KLHL1: variants seen among roughly 807,000 people sequenced by gnomAD.
KLHL1 encodes the protein kelch like family member 1.
KLHL1 carries 47 observed loss-of-function variants against 77.7 expected under a neutral mutation model. The ratio of observed to expected loss-of-function variants is 0.60; its 90% CI spans 0.48 to 0.77. KLHL1 has a LOEUF of 0.77. KLHL1 is among the 30% of genes least tolerant of loss of function. KLHL1 has a pLI of 0.00. For missense variants in KLHL1, 925 were observed against 910.8 expected, an observed-to-expected ratio of 1.02 and a Z score of -0.20; for synonymous variants, 360 against 325.2, an observed-to-expected ratio of 1.11 and a Z score of -1.15.
intron 1 of KLHL1, among the ~76,000 whole-genome samples, chr13:70,099,417 C>T (rs1887872182): frequency 6.6e-6 from 1 of 151,742 alleles, no homozygotes; most frequent in Non-Finnish European, 1.5e-5. Context: ...GAGATGCTTA[C>T]TAGAAAAGTA....
intron 4 of KLHL1, among the ~76,000 whole-genome samples, chr13:69,922,566 C>A (rs1188328931): frequency 6.6e-6 from 1 of 151,972 alleles, no homozygotes; most frequent in Non-Finnish European, 1.5e-5. Context: ...AAAGTAACCT[C>A]CTAATTTAAG....
chr13:69,782,941 C>T (rs149498660), intron 7 of KLHL1, among the ~76,000 whole-genome samples: 2,185 of 152,220 alleles, frequency 0.014, 55 homozygotes, highest in African/African-American at 0.05. Context: ...CTCACATGGC[C>T]GGGTACTCCT....
chr13:69,868,948 C>T (rs1593903351), intron 5 of KLHL1, among the ~76,000 whole-genome samples: 1 of 152,158 alleles, frequency 6.6e-6, no homozygotes, highest in East Asian at 1.9e-4. Flanking sequence ...AAGGAGGGTA[C>T]ACAGTTCAGT....
intron 1 of KLHL1, among the ~76,000 whole-genome samples, chr13:70,097,702 C>T (rs888795236): frequency 1.3e-5 from 2 of 151,802 alleles, no homozygotes; most frequent in Non-Finnish European, 2.9e-5. Flanking sequence ...ATGTATTTTA[C>T]TATCACAATT....
At chr13:69,926,731 A>G (rs1226195382) in intron 4 of KLHL1, among the ~76,000 whole-genome samples, 1 of 151,896 alleles carries the variant, frequency 6.6e-6, no homozygotes, top group Non-Finnish European at 1.5e-5. Context: ...GTGGATCACG[A>G]GGCCAGGAGA....
At chr13:69,714,729 G>A (rs7323633) in intron 9 of KLHL1, among the ~76,000 whole-genome samples, 51,532 of 151,396 alleles carry the variant, frequency 0.34, 8,945 homozygotes, top group Non-Finnish European at 0.37. Flanking sequence ...AAGTAGCTGA[G>A]GCCCCAGGGA....
intron 1 of KLHL1, among the ~76,000 whole-genome samples, chr13:70,056,481 C>A (rs560286898): frequency 6.6e-6 from 1 of 152,132 alleles, no homozygotes; most frequent in East Asian, 1.9e-4. Context: ...CATTATAGAC[C>A]AAATGGAACT....
At chr13:70,035,806 C>G (rs1039653217) in intron 1 of KLHL1, among the ~76,000 whole-genome samples, 1 of 151,260 alleles carries the variant, frequency 6.6e-6, no homozygotes, top group East Asian at 1.9e-4. Flanking sequence ...AAGCCTGATA[C>G]AAAATTAAAC....
At chr13:70,061,217 T>C (rs1886875814) in intron 1 of KLHL1, among the ~76,000 whole-genome samples, 1 of 152,176 alleles carries the variant, frequency 6.6e-6, no homozygotes, top group Non-Finnish European at 1.5e-5. Context: ...CTTGCACATC[T>C]TTTGTTAGAT....
intron 5 of KLHL1, among the ~76,000 whole-genome samples, chr13:69,874,734 A>G (rs552157672): frequency 1.3e-5 from 2 of 152,242 alleles, no homozygotes; most frequent in South Asian, 4.1e-4. Flanking sequence ...ATGCTTATAA[A>G]CCAACTTAAT....
At chr13:69,740,242 G>C (rs984718741) in intron 8 of KLHL1, 152 bp downstream of exon 8, 1 of 556,744 alleles carries the variant, frequency 1.8e-6, no homozygotes. Flanking sequence ...TCTATAGAGA[G>C]AGCACCAGTC....
intron 9 of KLHL1, among the ~76,000 whole-genome samples, chr13:69,715,826 A>C (rs1284855327): frequency 6.6e-6 from 1 of 152,266 alleles, no homozygotes; most frequent in African/African-American, 2.4e-5. Flanking sequence ...AGGAAGGGGA[A>C]GGGAGAAGAA....
chr13:69,772,396 AT>A (rs1875615607), intron 7 of KLHL1, among the ~76,000 whole-genome samples: 4 of 152,284 alleles, frequency 2.6e-5, no homozygotes, highest in African/African-American at 9.6e-5. Flanking sequence ...TAAATCAAGC[AT>A]TACCTATATA....
intron 5 of KLHL1, among the ~76,000 whole-genome samples, chr13:69,873,123 G>A (rs774119429): frequency 5.3e-5 from 8 of 152,028 alleles, no homozygotes; most frequent in Admixed American, 2.0e-4. Context: ...CCTCCTTGCC[G>A]GAATGTGGAC....
chr13:69,750,945 CAG>C (rs1874449618), intron 7 of KLHL1, among the ~76,000 whole-genome samples: 1 of 151,956 alleles, frequency 6.6e-6, no homozygotes, highest in Non-Finnish European at 1.5e-5. Context: ...GGTCCAGACA[CAG>C]AGATGTTTAA....
chr13:70,082,691 G>A lies in KLHL1; in HGVS notation c.497+24512C>T, dbSNP rs892618460. On this transcript the variant is annotated intron_variant, in intron 1 of 10. Coordinates refer to ENST00000377844, the MANE Select transcript of KLHL1 (RefSeq NM_020866.3). Reference sequence around the variant, plus strand: ...ATATTACGTGATGCTGAAGTTTGGGGTAGCAAAGACACAGAATCAACCCAG... The same window carrying A: ...ATATTACGTGATGCTGAAGTTTGGGATAGCAAAGACACAGAATCAACCCAG... 2.0e-5 allele frequency among the ~76,000 whole-genome samples: 3 copies of A among 152,050 alleles called. No homozygotes were observed. The East Asian group carries it at 5.8e-4, about 29-fold the overall frequency.
chr13:69,820,750 C>T (rs1250271246), intron 6 of KLHL1, among the ~76,000 whole-genome samples: 1 of 152,160 alleles, frequency 6.6e-6, no homozygotes, highest in Non-Finnish European at 1.5e-5. Context: ...GGTAGAAAAG[C>T]AGGTAGAACA....
intron 9 of KLHL1, among the ~76,000 whole-genome samples, chr13:69,710,608 A>G (rs1009258951): frequency 6.6e-6 from 1 of 152,050 alleles, no homozygotes; most frequent in African/African-American, 2.4e-5. Flanking sequence ...TGATTTTTCT[A>G]TATTCAGGAA....
At chr13:69,862,617 T>C (rs1411228909) in intron 5 of KLHL1, among the ~76,000 whole-genome samples, 1 of 152,110 alleles carries the variant, frequency 6.6e-6, no homozygotes, top group Non-Finnish European at 1.5e-5. Flanking sequence ...CCCCTCAAAA[T>C]TCATATGTTG....
Sources: gnomAD v4.1 joint callset for allele counts (sites outside exome capture counted in the v4.1 genomes callset) on GRCh38, gnomAD v4.1.1 for gene constraint, MANE v1.5 for transcripts, NCBI Gene and HGNC (gene_info 2026-07-23, HGNC 2026-07-21) for gene names.